SAP30BP: variants seen among roughly 807,000 people sequenced by gnomAD.
The protein encoded by SAP30BP is SAP30 binding protein, also known as SAP30-binding protein.
In SAP30BP, 31 loss-of-function variants were observed where a neutral mutation model predicts 46.3. The ratio of observed to expected loss-of-function variants is 0.67; its 90% CI spans 0.50 to 0.90. The LOEUF is 0.90. Ranked by LOEUF, SAP30BP falls within the 40% of genes least tolerant of loss-of-function variation. SAP30BP has a pLI of 0.00. For missense variants in SAP30BP, 312 were observed against 391.0 expected, an observed-to-expected ratio of 0.80 and a Z score of 1.70; for synonymous variants, 169 against 144.2, an observed-to-expected ratio of 1.17 and a Z score of -1.23.
chr17:75,674,377 C>T (rs1433117822), intron 3 of SAP30BP, among the ~76,000 whole-genome samples: 2 of 152,062 alleles, frequency 1.3e-5, no homozygotes, highest in Non-Finnish European at 2.9e-5. Context: ...TCAGTGCAAC[C>T]TCCGCCTCCT....
intron 3 of SAP30BP, among the ~76,000 whole-genome samples, chr17:75,676,651 CAAAT>C (rs914962368): frequency 6.6e-6 from 1 of 152,180 alleles, no homozygotes; most frequent in African/African-American, 2.4e-5. Context: ...ACTGGTGACT[CAAAT>C]AATCACAAAC....
intron 4 of SAP30BP, among the ~76,000 whole-genome samples, chr17:75,694,207 G>A (rs11652586): frequency 0.49 from 74,112 of 151,764 alleles, 19,677 homozygotes; most frequent in Non-Finnish European, 0.6. Flanking sequence ...GTCTTGCCTC[G>A]GTGGCTCACT....
chr17:75,669,201 C>T (rs999324390), intron 2 of SAP30BP, among the ~76,000 whole-genome samples: 1 of 152,022 alleles, frequency 6.6e-6, no homozygotes, highest in African/African-American at 2.4e-5. Flanking sequence ...CCTCAGCCTA[C>T]CCAGTAGCTG....
chr17:75,667,424 T>A lies in SAP30BP; in HGVS notation c.52T>A (p.Ser18Thr). 1 of 1,614,178 alleles carries A rather than the reference T, an allele frequency of 6.2e-7. No homozygotes were observed. Among genetic ancestry groups the A allele is most frequent in the African/African-American group, 1.3e-5 (1 of 75,042 alleles). The change falls in exon 1 of 11, where the codon TCA (serine) becomes ACA (threonine). Residue 18 changes from serine to threonine, a missense_variant. This residue lies in a region of SAP30BP where 296 missense variants were observed against 346.6 expected (regional missense o/e 0.85). Transcript: ENST00000584667. ...LSSLAVYAEDSEPESDGEAGI... is the reference protein window; with the variant it reads ...LSSLAVYAEDTEPESDGEAGI... The stretch of plus-strand genomic sequence containing the variant: ...GTCTCTCGCAGTTTACGCGGAAGAT[T>A]CAGAGCCCGAGTCTGATGGCGAGGC...
intron 3 of SAP30BP, among the ~76,000 whole-genome samples, chr17:75,690,125 C>CT (rs1009470208): frequency 1.3e-5 from 2 of 152,100 alleles, no homozygotes; most frequent in African/African-American, 4.8e-5. Flanking sequence ...AAATAAAATA[C>CT]TTTTTTTTAA....
At chr17:75,673,926 A>G (rs918796326) in intron 3 of SAP30BP, among the ~76,000 whole-genome samples, 2 of 152,148 alleles carry the variant, frequency 1.3e-5, no homozygotes, top group African/African-American at 4.8e-5. Flanking sequence ...TTCAAGTTTT[A>G]CTGTGGAATG....
At chr17:75,684,968 A>C (rs764614717) in intron 3 of SAP30BP, among the ~76,000 whole-genome samples, 12 of 152,298 alleles carry the variant, frequency 7.9e-5, no homozygotes. Context: ...GCAAAGGGGA[A>C]CAATGACCAT....
intron 3 of SAP30BP, among the ~76,000 whole-genome samples, chr17:75,680,133 G>A (rs549644562): frequency 6.6e-6 from 1 of 152,050 alleles, no homozygotes; most frequent in Non-Finnish European, 1.5e-5. Flanking sequence ...GACTGGGATC[G>A]CCGGCCTCCC....
At chr17:75,681,962 C>T (rs1441023879) in intron 3 of SAP30BP, among the ~76,000 whole-genome samples, 1 of 151,844 alleles carries the variant, frequency 6.6e-6, no homozygotes, top group South Asian at 2.1e-4. Context: ...GCGCTGCTGG[C>T]GAGCCCTGAC....
chr17:75,706,472 C>T lies in SAP30BP; in HGVS notation c.878C>T (p.Thr293Ile), dbSNP rs2060499674. The T allele has an allele frequency of 6.2e-7, 1 of 1,614,048 alleles. No homozygotes were observed. Among genetic ancestry groups the T allele is most frequent in the South Asian group, 1.1e-5 (1 of 91,086 alleles). ...TVTTSASGSK[T>I]TVISAVGTIV... ...ACCACCAGCGCCAGCGGCTCCAAGACCACCGTCATCTCTGCTGTGGGCACC... is the reference window on the plus strand; with the variant it reads ...ACCACCAGCGCCAGCGGCTCCAAGATCACCGTCATCTCTGCTGTGGGCACC... The change falls in exon 11 of 11, where the codon ACC becomes ATC. Residue 293 changes from threonine to isoleucine, a missense_variant. Around this residue, in one of 2 missense-constraint regions of SAP30BP, gnomAD observed 16 missense variants for 44.4 expected, o/e 0.36. Transcript: ENST00000584667. The surrounding 1 kb of genome is among the most constrained non-coding windows in gnomAD (Gnocchi z 4.6).
At chr17:75,705,925 T>C in intron 9 of SAP30BP, 83 bp from the exon 10 acceptor site, 1 of 1,583,854 alleles carries the variant, frequency 6.3e-7, no homozygotes, top group South Asian at 1.1e-5. Context: ...GCCAAGCTCC[T>C]GTCCCCCAGG....
intron 9 of SAP30BP, chr17:75,705,277 G>C (rs2060478558): frequency 5.5e-6 from 1 of 181,164 alleles, no homozygotes; most frequent in African/African-American, 2.4e-5. Context: ...TGTGGTCTGG[G>C]TTCTTCAGGG....
intron 8 of SAP30BP, among the ~76,000 whole-genome samples, chr17:75,704,082 G>A (rs1442212079): frequency 6.6e-6 from 1 of 152,182 alleles, no homozygotes; most frequent in Non-Finnish European, 1.5e-5. Flanking sequence ...CGCCAGCATC[G>A]ATGAGTGTTG....
At chr17:75,669,307 G>A (rs998206706) in intron 2 of SAP30BP, among the ~76,000 whole-genome samples, 6 of 151,864 alleles carry the variant, frequency 4.0e-5, no homozygotes, top group Admixed American at 3.3e-4. Context: ...GCAGTGGTGC[G>A]ATCTCTGCTC....
At chr17:75,668,209 T>C (rs530281316) in intron 1 of SAP30BP, 1 of 291,268 alleles carries the variant, frequency 3.4e-6, no homozygotes, top group Admixed American at 5.3e-5. Context: ...TGTGGTCTCT[T>C]CCAGTCAGAA....
At chr17:75,690,125 CT>C (rs1009470208) in intron 3 of SAP30BP, among the ~76,000 whole-genome samples, 4 of 152,100 alleles carry the variant, frequency 2.6e-5, no homozygotes, top group Admixed American at 2.0e-4. Context: ...AAATAAAATA[CT>C]TTTTTTTAAA....
chr17:75,705,942 C>T (rs762242963), intron 9 of SAP30BP, 66 bp from the exon 10 acceptor site: 29 of 1,599,100 alleles, frequency 1.8e-5, no homozygotes, highest in East Asian at 6.7e-5. Flanking sequence ...CAGGAGCTGA[C>T]GGATGGCAAA....
At chr17:75,705,639 C>T (rs1426121119) in intron 9 of SAP30BP, 3 of 1,070,566 alleles carry the variant, frequency 2.8e-6, no homozygotes, top group Non-Finnish European at 3.4e-6. Context: ...TCTGCAGCGC[C>T]TGGGGACCGG....
At chr17:75,677,463 C>T (rs186244682) in intron 3 of SAP30BP, among the ~76,000 whole-genome samples, 14 of 139,698 alleles carry the variant, frequency 1.0e-4, no homozygotes, top group African/African-American at 2.6e-4. Flanking sequence ...AACGAAGTCT[C>T]GCTCTGTCAC....
Sources: allele counts gnomAD v4.1 joint callset (sites outside exome capture counted in the v4.1 genomes callset), GRCh38; gene constraint gnomAD v4.1.1; regional missense constraint gnomAD v4.1.1; non-coding constraint Gnocchi (gnomAD v3.1); transcripts MANE v1.5; gene names NCBI Gene and HGNC (gene_info 2026-07-23, HGNC 2026-07-21).